The following MACROD2 variants were observed in gnomAD, a reference collection of about 807,000 sequenced individuals.
The protein encoded by MACROD2 is mono-ADP ribosylhydrolase 2, also known as ADP-ribose glycohydrolase MACROD2.
MACROD2 carries 36 observed loss-of-function variants against 70.4 expected under a neutral mutation model. The observed-to-expected ratio is 0.51, with a 90% confidence interval of 0.39 to 0.68. The LOEUF (loss-of-function observed/expected upper bound fraction) is 0.68. Among genes scored for constraint, MACROD2 ranks in the 30% least tolerant of loss-of-function variants. MACROD2 has a pLI of 0.00. For missense variants in MACROD2, 496 were observed against 538.4 expected (o/e 0.92, Z 0.78); for synonymous variants, 172 against 178.8 (o/e 0.96, Z 0.30).
chr20:14,533,041 G>A (rs1569997), intron 4 of MACROD2, among the ~76,000 whole-genome samples: 126,861 of 152,108 alleles, frequency 0.83, 53,087 homozygotes, highest in African/African-American at 0.89. Context: ...CACTCTTGCT[G>A]GGTGCCATGT....
chr20:15,571,480 T>C (rs1208108889), intron 8 of MACROD2, among the ~76,000 whole-genome samples: 4 of 152,010 alleles, frequency 2.6e-5, no homozygotes, highest in African/African-American at 9.7e-5. Context: ...ACTAATTGCA[T>C]TACAAATATC....
chr20:15,271,778 C>G (rs2077348672), intron 6 of MACROD2, among the ~76,000 whole-genome samples: 4 of 152,188 alleles, frequency 2.6e-5, no homozygotes, highest in African/African-American at 7.2e-5. Flanking sequence ...TTTCCCTACC[C>G]TAAGACCAGT....
chr20:15,571,149 T>C (rs2048371880), intron 8 of MACROD2, among the ~76,000 whole-genome samples: 1 of 152,146 alleles, frequency 6.6e-6, no homozygotes, highest in African/African-American at 2.4e-5. Context: ...CAGAAATACT[T>C]TTTACTGAAG....
intron 3 of MACROD2, among the ~76,000 whole-genome samples, chr20:14,147,953 A>T (rs2148709546): frequency 6.6e-6 from 1 of 152,314 alleles, no homozygotes; most frequent in South Asian, 2.1e-4. Flanking sequence ...CTTCCCTTCA[A>T]GTTATTAGAA....
intron 5 of MACROD2, among the ~76,000 whole-genome samples, chr20:14,982,854 C>A (rs2074813997): frequency 6.6e-6 from 1 of 152,284 alleles, no homozygotes; most frequent in South Asian, 2.1e-4. Context: ...TGGAGTACTG[C>A]CTAGTGGAGC....
chr20:14,460,338 A>G (rs1271269261), intron 3 of MACROD2, among the ~76,000 whole-genome samples: 5 of 152,102 alleles, frequency 3.3e-5, no homozygotes, highest in Non-Finnish European at 5.9e-5. Flanking sequence ...TTACACTCCC[A>G]CCAACAGTGT....
At chr20:14,395,649 CT>C (rs1190126248) in intron 3 of MACROD2, among the ~76,000 whole-genome samples, 1 of 151,924 alleles carries the variant, frequency 6.6e-6, no homozygotes, top group Non-Finnish European at 1.5e-5. Flanking sequence ...ATTTACTCTT[CT>C]TTTTCTGGTT....
intron 3 of MACROD2, among the ~76,000 whole-genome samples, chr20:14,295,889 C>T (rs757719554): frequency 6.6e-6 from 1 of 151,864 alleles, no homozygotes; most frequent in Non-Finnish European, 1.5e-5. Flanking sequence ...TGTAGAAACT[C>T]ATTAGGTATG....
At chr20:14,037,484 T>G (rs2053328646) in intron 2 of MACROD2, among the ~76,000 whole-genome samples, 1 of 152,190 alleles carries the variant, frequency 6.6e-6, no homozygotes. Context: ...TTTGTATTGG[T>G]GGACGTGAAA....
chr20:15,838,231 A>G (rs1401817701), intron 8 of MACROD2, among the ~76,000 whole-genome samples: 1 of 152,168 alleles, frequency 6.6e-6, no homozygotes, highest in Admixed American at 6.6e-5. Flanking sequence ...AATAAGGAAC[A>G]AAGTAAACAA....
intron 2 of MACROD2, among the ~76,000 whole-genome samples, chr20:14,041,911 T>C (rs1234595827): frequency 6.6e-6 from 1 of 152,020 alleles, no homozygotes; most frequent in Non-Finnish European, 1.5e-5. Flanking sequence ...TGGGGGAGAC[T>C]CTTGAGGGAA....
chr20:14,718,324 G>GAT (rs1274007688), intron 5 of MACROD2, among the ~76,000 whole-genome samples: 1 of 129,826 alleles, frequency 7.7e-6, no homozygotes. Flanking sequence ...AAAAAGAAGA[G>GAT]ATATATATGT....
intron 3 of MACROD2, among the ~76,000 whole-genome samples, chr20:14,206,940 C>T (rs916053997): frequency 6.6e-6 from 1 of 152,052 alleles, no homozygotes; most frequent in Non-Finnish European, 1.5e-5. Context: ...TCAAAGACAA[C>T]TCCTAGGTAA....
rs2073339078 is a variant in MACROD2 at position 14,862,127 on chromosome 20, T to TATATAAATATATATTATACATAA, written c.418+177173_418+177174insAATATATATTATACATAAATATA. ...TATACATAAATATATAAATATATAA[T>TATATAAATATATATTATACATAA]ATATATAAATATATATTATACATAA... On this transcript the variant is annotated intron_variant, in intron 5 of 17. Coordinates refer to ENST00000684519, the MANE Select transcript of MACROD2 (RefSeq NM_001351661.2). 5.3e-4 allele frequency among the ~76,000 whole-genome samples: 5 copies of TATATAAATATATATTATACATAA among 9,498 alleles called. 1 individual carries two copies. Among genetic ancestry groups the TATATAAATATATATTATACATAA allele is most frequent in the African/African-American group, 1.1e-3 (4 of 3,568 alleles). 6.2% of individuals were successfully genotyped at this position (9,498 alleles called of 152,430 possible).
At chr20:14,943,769 G>T (rs2074408649) in intron 5 of MACROD2, among the ~76,000 whole-genome samples, 1 of 152,078 alleles carries the variant, frequency 6.6e-6, no homozygotes, top group South Asian at 2.1e-4. Context: ...TTGTTTAAAG[G>T]TATCTACCAC....
At chr20:15,036,357 G>C (rs576132181) in intron 5 of MACROD2, among the ~76,000 whole-genome samples, 2 of 152,048 alleles carry the variant, frequency 1.3e-5, no homozygotes, top group Non-Finnish European at 2.9e-5. Context: ...TTCACTGGTG[G>C]TTCTCAAAGT....
intron 5 of MACROD2, among the ~76,000 whole-genome samples, chr20:15,185,846 T>C (rs1442918534): frequency 6.6e-6 from 1 of 152,188 alleles, no homozygotes; most frequent in Non-Finnish European, 1.5e-5. Context: ...GTTTCCACCA[T>C]TTATCATCAA....
chr20:14,139,123 A>G (rs966155348), intron 3 of MACROD2, among the ~76,000 whole-genome samples: 2 of 152,226 alleles, frequency 1.3e-5, no homozygotes, highest in Non-Finnish European at 2.9e-5. Context: ...GAAGTCATTT[A>G]TGATAAACAC....
intron 2 of MACROD2, among the ~76,000 whole-genome samples, chr20:14,036,010 C>T (rs1033612930): frequency 6.7e-6 from 1 of 149,516 alleles, no homozygotes; most frequent in African/African-American, 2.6e-5. Context: ...GGCGTGGTGG[C>T]GGGTGCCTGT....
Sources: gnomAD v4.1 joint callset for allele counts (sites outside exome capture counted in the v4.1 genomes callset) on GRCh38, gnomAD v4.1.1 for gene constraint, MANE v1.5 for transcripts, NCBI Gene and HGNC (gene_info 2026-07-23, HGNC 2026-07-21) for gene names.